SYMPK: variants seen among roughly 807,000 people sequenced by gnomAD.
SYMPK encodes symplekin scaffold protein.
SYMPK carries 49 observed loss-of-function variants against 136.4 expected under a neutral mutation model. The observed-to-expected ratio is 0.36, with a 90% CI of 0.29 to 0.46. SYMPK has a LOEUF of 0.46. SYMPK is among the 20% of genes least tolerant of loss of function. SYMPK has a pLI of 1.00. For missense variants in SYMPK, 1,365 were observed against 1,690.0 expected (o/e 0.81, Z 3.37); for synonymous variants, 766 against 713.0 (o/e 1.07, Z -1.19).
Position 45,816,168 on chromosome 19 carries a change from G to A in SYMPK, c.3370C>T (p.Leu1124=), listed in dbSNP as rs758694754. 1.3e-6 allele frequency: 2 copies of A among 1,542,412 alleles called. No homozygotes were observed. The highest frequency in any genetic ancestry group is 2.4e-5 in the South Asian group (2 of 83,628). ...GPLEEDDLEP[L]TLAPAPAPRP... is the part of the protein sequence containing the mutation. ...GGTGCTGGGGCCGGGGCCAAGGTCA[G>A]GGGCTCCAGATCATCCTGGGGATAG... Residue 1124 remains leucine, a synonymous_variant, in exon 26 of 27, where the codon CTG becomes TTG. Transcript: ENST00000245934.
intron 23 of SYMPK, among the ~76,000 whole-genome samples, chr19:45,817,536 G>A (rs534956161): frequency 6.7e-6 from 1 of 149,360 alleles, no homozygotes; most frequent in South Asian, 2.1e-4. Flanking sequence ...GGCTCAAGCA[G>A]TCCTCCTGTC....
intron 11 of SYMPK, among the ~76,000 whole-genome samples, chr19:45,833,470 C>T (rs780136221): frequency 2.6e-5 from 4 of 151,856 alleles, no homozygotes; most frequent in East Asian, 1.9e-4. Context: ...GGCATGGTGC[C>T]GGGCACCTGT....
chr19:45,834,963 C>T, intron 11 of SYMPK, 115 bp downstream of exon 11: 2 of 1,020,406 alleles, frequency 2.0e-6, no homozygotes, highest in South Asian at 4.1e-5. Context: ...ATTATCTACA[C>T]CTTAGCTCCC....
chr19:45,838,314 C>T, intron 10 of SYMPK, 147 bp downstream of exon 10: 1 of 1,015,186 alleles, frequency 9.9e-7, no homozygotes, highest in Non-Finnish European at 1.4e-6. Flanking sequence ...ATACAGCCTG[C>T]AGAACTGTAA....
chr19:45,840,571 G>A (rs1232930776), intron 9 of SYMPK, among the ~76,000 whole-genome samples: 3 of 151,996 alleles, frequency 2.0e-5, no homozygotes, highest in East Asian at 1.9e-4. Context: ...GCTGAGGCAG[G>A]AGAATTGCCT....
At chr19:45,817,071 T>C in intron 23 of SYMPK, 97 bp from the exon 24 acceptor site, 1 of 1,264,574 alleles carries the variant, frequency 7.9e-7, no homozygotes, top group African/African-American at 1.6e-5. Flanking sequence ...CATGCCCAAA[T>C]CCCACCATCC....
intron 5 of SYMPK, 34 bp downstream of exon 5, chr19:45,852,278 G>C (rs760395072): frequency 1.2e-6 from 2 of 1,613,498 alleles, no homozygotes; most frequent in Non-Finnish European, 1.7e-6. Context: ...CCACCAGTGA[G>C]AATGCTCCCG....
intron 12 of SYMPK, chr19:45,830,743 G>C (rs1438708840): frequency 6.6e-6 from 1 of 152,378 alleles, no homozygotes; most frequent in Non-Finnish European, 1.5e-5. Flanking sequence ...CAAAAAATTA[G>C]CCAGGCGTGG....
intron 7 of SYMPK, 34 bp from the exon 8 acceptor site, chr19:45,844,234 T>C (rs1381551921): frequency 3.3e-6 from 5 of 1,514,156 alleles, no homozygotes; most frequent in Non-Finnish European, 4.4e-6. Flanking sequence ...GTCAGTGGGA[T>C]CCGTTTTCCC....
intron 14 of SYMPK, 142 bp downstream of exon 14, chr19:45,828,828 G>T (rs374966084): frequency 4.0e-6 from 3 of 759,062 alleles, no homozygotes; most frequent in African/African-American, 3.5e-5. Flanking sequence ...AGAGGGGGAG[G>T]AGGAGAGGAG....
chr19:45,840,008 G>C (rs902286036), intron 9 of SYMPK, among the ~76,000 whole-genome samples: 5 of 152,146 alleles, frequency 3.3e-5, no homozygotes, highest in African/African-American at 1.2e-4. Flanking sequence ...GCGTTCAAAA[G>C]TTAATATCTC....
chr19:45,852,550 G>A lies in SYMPK; in HGVS notation c.172-15C>T, dbSNP rs1293868395. 1.9e-6 allele frequency: 3 copies of A among 1,614,088 alleles called. No homozygotes were observed. In the East Asian group the frequency reaches 6.7e-5, roughly 36 times the overall value. On this transcript the variant is annotated splice_polypyrimidine_tract_variant and intron_variant, in intron 3 of 26. Coordinates refer to ENST00000245934, the MANE Select transcript of SYMPK (RefSeq NM_004819.3). Reference sequence around the variant, plus strand: ...AGCTCCTGGACCTGGAAGGAGATTGGGGGTGGGGAGGAGGAATACCCATAT... The same window carrying A: ...AGCTCCTGGACCTGGAAGGAGATTGAGGGTGGGGAGGAGGAATACCCATAT...
At chr19:45,817,426 T>C (rs1414212316) in intron 23 of SYMPK, among the ~76,000 whole-genome samples, 15 of 52,158 alleles carry the variant, frequency 2.9e-4, no homozygotes, top group East Asian at 1.0e-3. Context: ...TCTTTTTTTT[T>C]TTTTTTTTTT....
chr19:45,828,889 G>A (rs940637410), intron 14 of SYMPK, 81 bp downstream of exon 14: 4 of 1,375,344 alleles, frequency 2.9e-6, no homozygotes, highest in African/African-American at 2.9e-5. Context: ...GAAGAGGGAG[G>A]TGGTCGCAAT....
rs1254828125 is a variant in SYMPK at position 45,835,098 on chromosome 19, G to A, written c.1373C>T (p.Thr458Ile). The A allele has an allele frequency of 6.2e-7, 1 of 1,608,460 alleles. No homozygotes were observed. The highest frequency in any genetic ancestry group is 2.2e-5 in the East Asian group (1 of 44,844). ...CTCACCTGGTCCCAGTCCGGCAGCT[G>A]TCATCTGTGTGGCCATGAGCCGAGC... ...HLARLMATQMTAAGLGPGVEQ... is the reference protein window; with the variant it reads ...HLARLMATQMIAAGLGPGVEQ... Residue 458 changes from threonine to isoleucine, a missense_variant, in exon 11 of 27, where the codon ACA (threonine) becomes ATA (isoleucine). Thr to Ile is a moderately conservative substitution (Grantham distance 89, BLOSUM62 -1). Coordinates refer to ENST00000245934, the MANE Select transcript of SYMPK (RefSeq NM_004819.3).
At chr19:45,840,511 A>G (rs1971409693) in intron 9 of SYMPK, among the ~76,000 whole-genome samples, 2 of 151,846 alleles carry the variant, frequency 1.3e-5, no homozygotes, top group South Asian at 4.1e-4. Context: ...TAAAAAGACA[A>G]AATTAGCTGG....
Position 45,817,973 on chromosome 19 carries a change from G to T in SYMPK, c.3067C>A (p.Leu1023Ile). 6.3e-7 allele frequency: 1 copy of T among 1,575,212 alleles called. No individual in the cohort carries two copies. Among genetic ancestry groups the T allele is most frequent in the Non-Finnish European group, 8.6e-7 (1 of 1,159,498 alleles). Residue 1023 changes from leucine to isoleucine, a missense_variant, in exon 23 of 27, where the codon CTC (leucine) becomes ATC (isoleucine). Physicochemically the swap from Leu to Ile is conservative, Grantham distance 5. Transcript: ENST00000245934. ...GGATGGGTTACCTGCTTCATGATGA[G>T]GCGGGACAGGATGTTCATGACGAAG... ...GGFVMNILSRLIMKQVWKYPK... is the reference protein window; with the variant it reads ...GGFVMNILSRIIMKQVWKYPK...
intron 1 of SYMPK, chr19:45,855,275 A>G (rs560027795): frequency 2.2e-4 from 34 of 152,324 alleles, no homozygotes; most frequent in African/African-American, 7.5e-4. Context: ...TGCTTCAATA[A>G]TTATGTTTCA....
In SYMPK at chr19:45,815,687, G is replaced by A. The variant is rs201620603; in HGVS notation, c.3698C>T (p.Ala1233Val). The change falls in exon 27 of 27, where the codon GCG (alanine) becomes GTG (valine). Residue 1233 changes from alanine to valine, a missense_variant. Ala to Val is a moderately conservative substitution (Grantham distance 64, BLOSUM62 0). Transcript: ENST00000245934. ...CTCCTCCTTCAAGGTCAGCCCGCCCGCTGCCGTCTCCTGGTGACCGGGGAA... is the reference window on the plus strand; with the variant it reads ...CTCCTCCTTCAAGGTCAGCCCGCCCACTGCCGTCTCCTGGTGACCGGGGAA... ...LEGPLPKETAAGGLTLKEERS... is the reference protein window; with the variant it reads ...LEGPLPKETAVGGLTLKEERS... The A allele has an allele frequency of 1.1e-4, 169 of 1,609,240 alleles. 1 individual carries two copies. Among genetic ancestry groups the A allele is most frequent in the Middle Eastern group, 6.6e-4 (4 of 6,034 alleles).
Sources: allele counts gnomAD v4.1 joint callset (sites outside exome capture counted in the v4.1 genomes callset), GRCh38; gene constraint gnomAD v4.1.1; transcripts MANE v1.5; gene names NCBI Gene and HGNC (gene_info 2026-07-23, HGNC 2026-07-21).